The following DPP10 variants were observed in gnomAD, a reference collection of about 807,000 sequenced individuals.
The protein encoded by DPP10 is inactive dipeptidyl peptidase 10.
DPP10 carries 33 observed loss-of-function variants against 120.9 expected under a neutral mutation model. The ratio of observed to expected loss-of-function variants is 0.27; its 90% CI spans 0.21 to 0.37. The LOEUF is 0.37. DPP10 is among the 10% of genes least tolerant of loss of function. The pLI, the probability that DPP10 is intolerant of heterozygous loss-of-function variation, is 1.00. For synonymous variants in DPP10, 337 were observed against 326.1 expected, an observed-to-expected ratio of 1.03 and a Z score of -0.36; for missense variants, 816 against 942.8, an observed-to-expected ratio of 0.87 and a Z score of 1.76.
intron 3 of DPP10, among the ~76,000 whole-genome samples, chr2:115,453,304 T>A (rs1352871195): frequency 6.6e-6 from 1 of 151,422 alleles, no homozygotes; most frequent in Non-Finnish European, 1.5e-5. Flanking sequence ...TGGCATACTC[T>A]TTTTTTATTC....
At chr2:115,088,240 A>G (rs1040129565) in intron 1 of DPP10, among the ~76,000 whole-genome samples, 1 of 152,128 alleles carries the variant, frequency 6.6e-6, no homozygotes, top group Non-Finnish European at 1.5e-5. Flanking sequence ...ATTTCCATAT[A>G]TAAATTGTTA....
chr2:115,595,875 C>T (rs889156925), intron 5 of DPP10, among the ~76,000 whole-genome samples: 1 of 151,880 alleles, frequency 6.6e-6, no homozygotes, highest in African/African-American at 2.4e-5. Context: ...TTTACACGTC[C>T]TACTTTATTA....
chr2:114,949,339 C>T (rs1697604565), intron 1 of DPP10, among the ~76,000 whole-genome samples: 1 of 152,112 alleles, frequency 6.6e-6, no homozygotes, highest in Admixed American at 6.6e-5. Flanking sequence ...TCCCCTGACC[C>T]ATGGGGATTA....
At chr2:115,293,858 G>A (rs1199322320) in intron 1 of DPP10, among the ~76,000 whole-genome samples, 2 of 152,014 alleles carry the variant, frequency 1.3e-5, no homozygotes, top group African/African-American at 2.4e-5. Context: ...TACTCTTGCC[G>A]AAGAAACAAA....
chr2:114,484,378 AATGG>A (rs1447373797), intron 1 of DPP10, among the ~76,000 whole-genome samples: 96 of 152,246 alleles, frequency 6.3e-4, no homozygotes, highest in Non-Finnish European at 5.0e-4. Flanking sequence ...CCGAGTTCTG[AATGG>A]GGAATTCATT....
chr2:115,790,626 T>G (rs1426277657), intron 17 of DPP10, among the ~76,000 whole-genome samples: 1 of 152,206 alleles, frequency 6.6e-6, no homozygotes, highest in African/African-American at 2.4e-5. Context: ...AATTTTCATG[T>G]ATTTCAGATT....
At chr2:115,383,425 A>C (rs1301268078) in intron 3 of DPP10, among the ~76,000 whole-genome samples, 1 of 152,184 alleles carries the variant, frequency 6.6e-6, no homozygotes, top group Non-Finnish European at 1.5e-5. Flanking sequence ...GCATGCATTA[A>C]ACCTCTTACT....
At chr2:115,462,883 C>T (rs773271555) in intron 3 of DPP10, among the ~76,000 whole-genome samples, 7 of 152,120 alleles carry the variant, frequency 4.6e-5, no homozygotes, top group Non-Finnish European at 1.0e-4. Context: ...GCACATGCCA[C>T]CATGCCCGGC....
At chr2:114,572,719 T>C (rs1375951427) in intron 1 of DPP10, among the ~76,000 whole-genome samples, 2 of 152,204 alleles carry the variant, frequency 1.3e-5, no homozygotes, top group African/African-American at 2.4e-5. Flanking sequence ...AGAGGCTACA[T>C]GTGCCAGCCA....
At chr2:115,590,867 G>C (rs2082617657) in intron 5 of DPP10, among the ~76,000 whole-genome samples, 1 of 152,168 alleles carries the variant, frequency 6.6e-6, no homozygotes, top group Admixed American at 6.5e-5. Context: ...ATTCTAACTG[G>C]TGTGAGATGG....
At chr2:114,684,586 TC>T (rs1338649957) in intron 1 of DPP10, among the ~76,000 whole-genome samples, 1 of 151,954 alleles carries the variant, frequency 6.6e-6, no homozygotes, top group Non-Finnish European at 1.5e-5. Context: ...CTAGGACACA[TC>T]AAACAACCAG....
chr2:114,517,307 T>C (rs572019516), intron 1 of DPP10, among the ~76,000 whole-genome samples: 2 of 152,098 alleles, frequency 1.3e-5, no homozygotes, highest in African/African-American at 2.4e-5. Flanking sequence ...GATCACCTGA[T>C]GTCAGGAGTT....
At chr2:114,723,221 C>T (rs991475988) in intron 1 of DPP10, among the ~76,000 whole-genome samples, 1 of 152,140 alleles carries the variant, frequency 6.6e-6, no homozygotes, top group African/African-American at 2.4e-5. Flanking sequence ...AAGCTTGATT[C>T]CTTTGGATTT....
chr2:115,121,390 A>C (rs1476245442), intron 1 of DPP10, among the ~76,000 whole-genome samples: 1 of 152,214 alleles, frequency 6.6e-6, no homozygotes, highest in Non-Finnish European at 1.5e-5. Flanking sequence ...CTCGAACCCA[A>C]AAGAGAAATT....
chr2:115,601,959 G>T (rs1447963149), intron 5 of DPP10, among the ~76,000 whole-genome samples: 2 of 152,074 alleles, frequency 1.3e-5, no homozygotes, highest in Non-Finnish European at 2.9e-5. Flanking sequence ...GGGATTACAG[G>T]TGTGAGCCAC....
chr2:115,477,635 A>C (rs2075170943), intron 3 of DPP10, among the ~76,000 whole-genome samples: 2 of 152,156 alleles, frequency 1.3e-5, no homozygotes, highest in Admixed American at 6.6e-5. Flanking sequence ...TTTTTGCATA[A>C]ATAGACAAAC....
rs150856624 is a variant in DPP10 at position 115,306,552 on chromosome 2, A to G, written c.61-2687A>G. On this transcript the variant is annotated intron_variant, in intron 1 of 25. Transcript: ENST00000410059. ...AGGGATGTTAAAGAACTTTGGAGAAAAAAAGTAACGTAAGTAACACCATGC... is the reference window on the plus strand; with the variant it reads ...AGGGATGTTAAAGAACTTTGGAGAAGAAAAGTAACGTAAGTAACACCATGC... Among the ~76,000 whole-genome samples the G allele has an allele frequency of 6.2e-3, 938 of 152,258 alleles. 6 individuals carry two copies. Among genetic ancestry groups the G allele is most frequent in the Non-Finnish European group, 6.8e-3 (460 of 68,006 alleles).
At chr2:115,629,377 T>A (rs1279368197) in intron 5 of DPP10, among the ~76,000 whole-genome samples, 1 of 152,048 alleles carries the variant, frequency 6.6e-6, no homozygotes, top group African/African-American at 2.4e-5. Context: ...TCTAGATCCC[T>A]GAGGAATTGC....
At chr2:114,447,865 GAGAGAAAACTTTTTTCTCT>G in intron 1 of DPP10, among the ~76,000 whole-genome samples, 1 of 152,292 alleles carries the variant, frequency 6.6e-6, no homozygotes, top group South Asian at 2.1e-4. Flanking sequence ...TTATGTGTGT[GAGAGAAAACTTTTTTCTCT>G]TAGCAATGGT....
Sources: allele counts gnomAD v4.1 joint callset (sites outside exome capture counted in the v4.1 genomes callset), GRCh38; gene constraint gnomAD v4.1.1; transcripts MANE v1.5; gene names NCBI Gene and HGNC (gene_info 2026-07-23, HGNC 2026-07-21).